PPP4R1: variants seen among roughly 807,000 people sequenced by gnomAD.
PPP4R1 encodes serine/threonine-protein phosphatase 4 regulatory subunit 1.
PPP4R1 carries 42 observed loss-of-function variants against 111.2 expected under a neutral mutation model. That is an observed-to-expected ratio of 0.38 (90% CI 0.29 to 0.49). PPP4R1 has a LOEUF of 0.49. Ranked by LOEUF, PPP4R1 falls within the 20% of genes least tolerant of loss-of-function variation. The pLI, the probability that PPP4R1 is intolerant of heterozygous loss-of-function variation, is 0.97. For missense variants in PPP4R1, 1,012 were observed against 1,161.6 expected (o/e 0.87, Z 1.87); for synonymous variants, 409 against 405.5 (o/e 1.01, Z -0.10).
chr18:9,589,704 G>C (rs2067179743), intron 4 of PPP4R1: 1 of 152,158 alleles, frequency 6.6e-6, no homozygotes, highest in East Asian at 1.9e-4. Flanking sequence ...TTCCAGACCA[G>C]CCTGGCCAAC....
intron 9 of PPP4R1, 96 bp from the exon 10 acceptor site, chr18:9,577,287 C>T (rs1005308616): frequency 9.3e-6 from 12 of 1,286,990 alleles, no homozygotes; most frequent in African/African-American, 1.6e-5. Flanking sequence ...TTTCAAATGC[C>T]GAAGTATGTT....
At chr18:9,573,344 AT>A (rs2066889866) in intron 10 of PPP4R1, among the ~76,000 whole-genome samples, 1 of 152,214 alleles carries the variant, frequency 6.6e-6, no homozygotes, top group Non-Finnish European at 1.5e-5. Flanking sequence ...GGTAAAAAGA[AT>A]ATCATGTCTA....
chr18:9,551,716 AGAG>A (rs915416291), intron 16 of PPP4R1: 2 of 152,262 alleles, frequency 1.3e-5, no homozygotes, highest in Non-Finnish European at 2.9e-5. Flanking sequence ...CAACTGTGGG[AGAG>A]GAGAACTAAT....
chr18:9,548,848 G>A (rs1489592441), intron 19 of PPP4R1, among the ~76,000 whole-genome samples: 1 of 152,232 alleles, frequency 6.6e-6, no homozygotes, highest in East Asian at 1.9e-4. Flanking sequence ...AACCCGGAAG[G>A]CAGAGGTTAC....
chr18:9,582,939 T>C (rs527449106), intron 9 of PPP4R1, among the ~76,000 whole-genome samples, 178 bp downstream of exon 9: 114 of 152,322 alleles, frequency 7.5e-4, no homozygotes, highest in African/African-American at 2.6e-3. Context: ...GAAATTTTTG[T>C]CCTGTTACAA....
intron 2 of PPP4R1, among the ~76,000 whole-genome samples, chr18:9,607,894 T>C: frequency 6.6e-6 from 1 of 151,458 alleles, no homozygotes; most frequent in South Asian, 2.1e-4. Flanking sequence ...GTGATTCTCC[T>C]GCCTCAGCCT....
At chr18:9,568,742 AAAAAT>A (rs1226599906) in intron 11 of PPP4R1, among the ~76,000 whole-genome samples, 1 of 152,180 alleles carries the variant, frequency 6.6e-6, no homozygotes, top group Admixed American at 6.5e-5. Flanking sequence ...ATAGTTTAAG[AAAAAT>A]AAAATAAGCT....
intron 12 of PPP4R1, 148 bp downstream of exon 12, chr18:9,563,230 A>AACAC: frequency 2.5e-5 from 31 of 1,239,932 alleles, no homozygotes; most frequent in Non-Finnish European, 3.2e-5. Context: ...ATGTGATGAA[A>AACAC]ACAATTACTT....
chr18:9,551,435 C>T (rs1452673434), intron 16 of PPP4R1: 2 of 152,384 alleles, frequency 1.3e-5, no homozygotes, highest in African/African-American at 2.4e-5. Context: ...CATGGGGTGG[C>T]TCAAACAAAG....
At chr18:9,609,926 T>C (rs1329497367) in intron 2 of PPP4R1, among the ~76,000 whole-genome samples, 1 of 152,272 alleles carries the variant, frequency 6.6e-6, no homozygotes, top group Non-Finnish European at 1.5e-5. Context: ...CCTTTGGGCA[T>C]TAGTCAACTT....
At chr18:9,555,675 T>A (rs570527714) in intron 15 of PPP4R1, among the ~76,000 whole-genome samples, 2 of 152,282 alleles carry the variant, frequency 1.3e-5, no homozygotes, top group African/African-American at 4.8e-5. Context: ...ATTGTGTAAA[T>A]TCAAATTGAG....
Position 9,550,415 on chromosome 18 carries a change from C to A in PPP4R1, c.2292-17G>T. 6.4e-7 allele frequency: 1 copy of A among 1,566,808 alleles called. No individual in the cohort carries two copies. The highest frequency in any genetic ancestry group is 1.9e-5 in the Admixed American group (1 of 52,056). ...ATCAGCTGTCTACAAAAAGGAATTA[C>A]AAAAAGACAATGTTTAAAAATCAGC... On this transcript the variant is annotated splice_polypyrimidine_tract_variant and intron_variant, in intron 16 of 19. Coordinates refer to ENST00000400556, the MANE Select transcript of PPP4R1 (RefSeq NM_001042388.3).
In PPP4R1 at chr18:9,570,307, T is replaced by C. The variant is rs2145111538; in HGVS notation, c.1423A>G (p.Asn475Asp). 6.2e-7 allele frequency: 1 copy of C among 1,612,454 alleles called. No homozygotes were observed. Among genetic ancestry groups the C allele is most frequent in the South Asian group, 1.1e-5 (1 of 90,760 alleles). The change falls in exon 11 of 20, where the codon AAC becomes GAC. Residue 475 changes from asparagine (N) to aspartate (D), a missense_variant. Asn to Asp is a conservative substitution (Grantham distance 23, BLOSUM62 1). Transcript: ENST00000400556. ...TCTGGGCTGGGTTTTCCCCCAGAGTTCTGTTCAAGCTCTATGTCTAGATCT... is the reference window on the plus strand; with the variant it reads ...TCTGGGCTGGGTTTTCCCCCAGAGTCCTGTTCAAGCTCTATGTCTAGATCT... ...EIDLDIELEQ[N>D]SGGKPSPEGP...
chr18:9,612,924 T>C (rs931192113), intron 2 of PPP4R1, among the ~76,000 whole-genome samples: 1 of 152,242 alleles, frequency 6.6e-6, no homozygotes, highest in Non-Finnish European at 1.5e-5. Flanking sequence ...TCGTTTCAGA[T>C]AATCCATCTA....
At chr18:9,550,438 A>T (rs1384678077) in intron 16 of PPP4R1, 40 bp from the exon 17 acceptor site, 3 of 1,549,890 alleles carry the variant, frequency 1.9e-6, no homozygotes, top group Non-Finnish European at 1.8e-6. Flanking sequence ...TTTAAAAATC[A>T]GCGAGACAAA....
chr18:9,550,003 T>G, intron 18 of PPP4R1, 49 bp downstream of exon 18: 3 of 1,612,056 alleles, frequency 1.9e-6, no homozygotes, highest in Non-Finnish European at 2.5e-6. Context: ...AAGAAGACAT[T>G]CTTCTAGGAG....
chr18:9,547,700 C>A lies in PPP4R1; in HGVS notation c.*89G>T, dbSNP rs2066421262. The A allele has an allele frequency of 6.6e-7, 1 of 1,505,614 alleles. No individual in the cohort carries two copies. The highest frequency in any genetic ancestry group is 9.1e-7 in the Non-Finnish European group (1 of 1,099,082). The allele number at this position is 1,505,614 out of a possible 1,614,324, so 93.3% of individuals were successfully genotyped here. A position where few individuals can be genotyped will look rare whatever the true frequency, so the allele number is the denominator to read the frequency against. ...GCAGGAGAGGAAGGTCTCTCCTCCC[C>A]CGAAAGCTATCCCAGGTCACATGCG... On this transcript the variant is annotated 3_prime_UTR_variant, in exon 20 of 20. Coordinates refer to ENST00000400556, the MANE Select transcript of PPP4R1 (RefSeq NM_001042388.3).
chr18:9,583,258 C>G lies in PPP4R1; in HGVS notation c.777G>C (p.Gln259His). Reference protein sequence around the residue: ...TEEMLLPRFFQLCSDNVWGVR... With the variant: ...TEEMLLPRFFHLCSDNVWGVR... ...CTCCCCATACATTATCAGAACAAAG[C>G]TGGAAAAATCTGGGCAGCTATGTGA... The change falls in exon 9 of 20, where the codon CAG (glutamine) becomes CAC (histidine). Residue 259 changes from glutamine to histidine, a missense_variant. Physicochemically the swap from Gln to His is conservative, Grantham distance 24. This residue lies in a region of PPP4R1 where 707 missense variants were observed against 742.1 expected (regional missense o/e 0.95). Coordinates refer to ENST00000400556, the MANE Select transcript of PPP4R1 (RefSeq NM_001042388.3). 1 of 1,575,436 alleles carries G rather than the reference C, an allele frequency of 6.3e-7. No individual in the cohort carries two copies. The highest frequency in any genetic ancestry group is 8.7e-7 in the Non-Finnish European group (1 of 1,155,960).
intron 10 of PPP4R1, among the ~76,000 whole-genome samples, chr18:9,574,178 TAAG>T (rs796374525): frequency 8.5e-5 from 13 of 152,276 alleles, no homozygotes; most frequent in African/African-American, 3.1e-4. Context: ...TCCTGTCTCC[TAAG>T]AGACGTAGGT....
Sources: gnomAD v4.1 joint callset for allele counts (sites outside exome capture counted in the v4.1 genomes callset) on GRCh38, gnomAD v4.1.1 for gene constraint, gnomAD v4.1.1 regional missense constraint, MANE v1.5 for transcripts, NCBI Gene and HGNC (gene_info 2026-07-23, HGNC 2026-07-21) for gene names.